Variants in FMNL3 observed in about 807,000 individuals in gnomAD.
The protein encoded by FMNL3 is formin-like protein 3.
In FMNL3, 57 loss-of-function variants were observed where a neutral mutation model predicts 119.6. That is an observed-to-expected ratio of 0.48 (90% CI 0.39 to 0.59). The LOEUF (loss-of-function observed/expected upper bound fraction) is 0.59. FMNL3 is among the 20% of genes least tolerant of loss of function. The probability of loss-of-function intolerance (pLI) is 0.00; values close to 1 mark genes in which losing one functional copy is unlikely to be tolerated. For synonymous variants in FMNL3, 491 were observed against 507.3 expected (o/e 0.97, Z 0.43); for missense variants, 1,053 against 1,323.5 (o/e 0.80, Z 3.17).
rs754549364 is a variant in FMNL3, at chr12:49,651,989, A to G, written c.1547T>C (p.Leu516Pro). ...CGGAGCTGGTGGTGGAGGAAGAGGC[A>G]GGACCTCCTCAGGGGGTGGGGCTGG... Reference protein sequence around the residue: ...LAPAPPPEEVLPLPPPPAPPL... With the variant: ...LAPAPPPEEVPPLPPPPAPPL... The change falls in exon 14 of 26, where the codon CTG becomes CCG. Residue 516 changes from leucine (L) to proline (P), a missense_variant. Leu to Pro is a moderately conservative substitution (Grantham distance 98). This residue lies in a region of FMNL3 where 445 missense variants were observed against 628.4 expected (regional missense o/e 0.71). Transcript: ENST00000335154. The G allele has an allele frequency of 3.5e-5, 57 of 1,606,768 alleles. No homozygotes were observed. Among genetic ancestry groups the G allele is most frequent in the Middle Eastern group, 3.3e-4 (2 of 6,000 alleles).
At chr12:49,671,527 C>A (rs773724358) in intron 1 of FMNL3, among the ~76,000 whole-genome samples, 1 of 152,248 alleles carries the variant, frequency 6.6e-6, no homozygotes, top group Non-Finnish European at 1.5e-5. Flanking sequence ...GTGGGAGCCA[C>A]CTGCCAAGGG....
chr12:49,649,092 C>G lies in FMNL3; in HGVS notation c.2452G>C (p.Glu818Gln). Reference sequence around the variant, plus strand: ...AAGTTAGCCAGGTCTGGGTATTTCTCCTTCACTGTCAAGGCGATGAAATGA... The same window carrying G: ...AAGTTAGCCAGGTCTGGGTATTTCTGCTTCACTGTCAAGGCGATGAAATGA... ...LLHFIALTVKEKYPDLANFWH... is the reference protein window; with the variant it reads ...LLHFIALTVKQKYPDLANFWH... The change falls in exon 21 of 26, where the codon GAG (glutamate) becomes CAG (glutamine). Residue 818 changes from glutamate (E) to glutamine (Q), a missense_variant. Around this residue, in one of 4 missense-constraint regions of FMNL3, gnomAD observed 324 missense variants for 380.9 expected, o/e 0.85. Transcript: ENST00000335154. This position sits in a 1 kb window ranked among gnomAD's most constrained non-coding sequence, Gnocchi z 5.6. The G allele has an allele frequency of 6.2e-7, 1 of 1,613,686 alleles. No homozygotes were observed.
chr12:49,653,347 G>C lies in FMNL3; in HGVS notation c.1222-20C>G. On this transcript the variant is annotated intron_variant, in intron 12 of 25. Coordinates refer to ENST00000335154, the MANE Select transcript of FMNL3 (RefSeq NM_175736.5). ...TGTGAGCTGCACAACAGGAAGGGCA[G>C]GTTCTGTGCTGGCCCTAAAGCCTGG... The C allele has an allele frequency of 6.2e-7, 1 of 1,611,928 alleles. No individual in the cohort carries two copies. Among genetic ancestry groups the C allele is most frequent in the Non-Finnish European group, 8.5e-7 (1 of 1,178,614 alleles).
At chr12:49,656,967 G>A in intron 7 of FMNL3, 68 bp from the exon 8 acceptor site, 2 of 1,531,814 alleles carry the variant, frequency 1.3e-6, no homozygotes, top group Non-Finnish European at 1.8e-6. Context: ...CAATCTCCTT[G>A]ACCGTAGGCC....
chr12:49,685,182 C>T (rs944285775), intron 1 of FMNL3, among the ~76,000 whole-genome samples: 1 of 152,188 alleles, frequency 6.6e-6, no homozygotes, highest in Admixed American at 6.5e-5. Context: ...GTAAACGCCC[C>T]CAGTTTTAAA....
chr12:49,684,322 C>A (rs1307608797), intron 1 of FMNL3, among the ~76,000 whole-genome samples: 1 of 152,172 alleles, frequency 6.6e-6, no homozygotes, highest in Non-Finnish European at 1.5e-5. Context: ...TGATGTGATT[C>A]TTTAGCCGCC....
At chr12:49,690,405 A>G (rs1400821896) in intron 1 of FMNL3, among the ~76,000 whole-genome samples, 7 of 152,120 alleles carry the variant, frequency 4.6e-5, no homozygotes, top group African/African-American at 1.7e-4. Flanking sequence ...ACTCTCTCTT[A>G]ACAACCTGTT....
chr12:49,657,315 C>T (rs1171014169), intron 6 of FMNL3, 125 bp from the exon 7 acceptor site: 4 of 679,922 alleles, frequency 5.9e-6, no homozygotes, highest in Admixed American at 2.4e-5. Flanking sequence ...AATAGCACCT[C>T]GTACCAACAG....
At chr12:49,696,982 G>C (rs1944767908) in intron 1 of FMNL3, among the ~76,000 whole-genome samples, 1 of 152,126 alleles carries the variant, frequency 6.6e-6, no homozygotes, top group African/African-American at 2.4e-5. Context: ...TCCAAAAATG[G>C]TCTTTAAAAC....
chr12:49,676,602 C>T (rs373319165), intron 1 of FMNL3, among the ~76,000 whole-genome samples: 7 of 147,666 alleles, frequency 4.7e-5, no homozygotes, highest in South Asian at 4.3e-4. Flanking sequence ...GGGTAGGGGC[C>T]GTCTTATCCT....
At chr12:49,655,484 C>T (rs1943541726) in intron 9 of FMNL3, among the ~76,000 whole-genome samples, 1 of 152,154 alleles carries the variant, frequency 6.6e-6, no homozygotes, top group Admixed American at 6.5e-5. Context: ...GGTCTGTGGT[C>T]CCCCACCAAA....
At chr12:49,696,647 A>T (rs1944759021) in intron 1 of FMNL3, among the ~76,000 whole-genome samples, 1 of 152,248 alleles carries the variant, frequency 6.6e-6, no homozygotes, top group Non-Finnish European at 1.5e-5. Flanking sequence ...ACATCCTATT[A>T]TCTCCACCTG....
rs1438876826 is a variant in FMNL3, at chr12:49,642,743, C to A, written c.*3072G>T. 1 of 1,527,198 alleles carries A rather than the reference C, an allele frequency of 6.5e-7. No homozygotes were observed. The highest frequency in any genetic ancestry group is 1.9e-5 in the Admixed American group (1 of 52,886). 94.6% of individuals were successfully genotyped at this position (1,527,198 alleles called of 1,614,324 possible). A position where few individuals can be genotyped will look rare whatever the true frequency, so the allele number is the denominator to read the frequency against. On this transcript the variant is annotated 3_prime_UTR_variant, in exon 26 of 26. Transcript: ENST00000335154. The surrounding 1 kb of genome is among the most constrained non-coding windows in gnomAD (Gnocchi z 5.8). ...CTCATTAGACCAGTTCAACAGAGAC[C>A]TCAGTGGCCTCCCTCTTACCCTTAG... is the stretch of plus-strand genomic sequence containing the variant.
Position 49,643,628 on chromosome 12 carries a change from G to C in FMNL3, c.*2187C>G. 6.4e-7 allele frequency: 1 copy of C among 1,553,654 alleles called. No homozygotes were observed. ...CTGTGAAGAATGAACAGAGGGGCTA[G>C]AACAAAGAAAAAGAGCCTGTCTTTC... On this transcript the variant is annotated 3_prime_UTR_variant, in exon 26 of 26. Coordinates refer to ENST00000335154, the MANE Select transcript of FMNL3 (RefSeq NM_175736.5).
In FMNL3 at chr12:49,642,717, A is replaced by T; in HGVS notation, c.*3098T>A. The T allele has an allele frequency of 6.3e-7, 1 of 1,587,318 alleles. No homozygotes were observed. Among genetic ancestry groups the T allele is most frequent in the Non-Finnish European group, 8.6e-7 (1 of 1,164,186 alleles). ...CTCTGGATCTGCCTCAGGCCCTTGA[A>T]CTCATTAGACCAGTTCAACAGAGAC... On this transcript the variant is annotated 3_prime_UTR_variant, in exon 26 of 26. Coordinates refer to ENST00000335154, the MANE Select transcript of FMNL3 (RefSeq NM_175736.5). This position sits in a 1 kb window ranked among gnomAD's most constrained non-coding sequence, Gnocchi z 5.8.
At chr12:49,654,798 A>G in intron 10 of FMNL3, 112 bp downstream of exon 10, 1 of 1,032,794 alleles carries the variant, frequency 9.7e-7, no homozygotes, top group Non-Finnish European at 1.4e-6. Flanking sequence ...GAATAGAATC[A>G]TTCTGGGCTC....
intron 1 of FMNL3, among the ~76,000 whole-genome samples, chr12:49,681,806 C>T (rs186918946): frequency 6.6e-6 from 1 of 152,070 alleles, no homozygotes; most frequent in Admixed American, 6.6e-5. Flanking sequence ...AATCTTCCCA[C>T]CTTGGCCTCC....
Position 49,638,226 on chromosome 12 carries a change from G to A in FMNL3, c.*7589C>T. On this transcript the variant is annotated 3_prime_UTR_variant, in exon 26 of 26. Coordinates refer to ENST00000335154, the MANE Select transcript of FMNL3 (RefSeq NM_175736.5). ...AAGCATAGCTAATTGTAAACTGGTA[G>A]CACACAGATTGTTCTTTCTGGCCTG... 1 of 182,352 alleles carries A rather than the reference G, an allele frequency of 5.5e-6. No individual in the cohort carries two copies. Among genetic ancestry groups the A allele is most frequent in the South Asian group, 1.3e-4 (1 of 7,932 alleles). 11.3% of individuals were successfully genotyped at this position (182,352 alleles called of 1,614,324 possible).
At chr12:49,650,590 T>G in intron 17 of FMNL3, 86 bp downstream of exon 17, 2 of 1,476,152 alleles carry the variant, frequency 1.4e-6, no homozygotes, top group East Asian at 2.3e-5. Context: ...TCAGATGACC[T>G]GGAATCTAGG....
Sources: allele counts gnomAD v4.1 joint callset (sites outside exome capture counted in the v4.1 genomes callset), GRCh38; gene constraint gnomAD v4.1.1; regional missense constraint gnomAD v4.1.1; non-coding constraint Gnocchi (gnomAD v3.1); transcripts MANE v1.5; gene names NCBI Gene and HGNC (gene_info 2026-07-23, HGNC 2026-07-21).